TOGARAM1: variants seen among roughly 807,000 people sequenced by gnomAD.
TOGARAM1 encodes the protein TOG array regulator of axonemal microtubules protein 1.
Under a neutral mutation model 166.6 loss-of-function variants are expected in TOGARAM1, and 100 were observed. The observed-to-expected ratio is 0.60, with a 90% confidence interval of 0.51 to 0.71. The LOEUF (loss-of-function observed/expected upper bound fraction) is 0.71. Ranked by LOEUF, TOGARAM1 falls within the 30% of genes least tolerant of loss-of-function variation. The pLI, the probability that TOGARAM1 is intolerant of heterozygous loss-of-function variation, is 0.00. For synonymous variants in TOGARAM1, 758 were observed against 763.8 expected, an observed-to-expected ratio of 0.99 and a Z score of 0.13; for missense variants, 2,029 against 2,102.7, an observed-to-expected ratio of 0.96 and a Z score of 0.69.
intron 7 of TOGARAM1, among the ~76,000 whole-genome samples, chr14:45,023,223 G>A (rs1880628694): frequency 6.6e-6 from 1 of 152,154 alleles, no homozygotes. Flanking sequence ...AGGTCCCCTC[G>A]AGCGGCATAG....
At chr14:45,015,989 TAGG>T (rs763406319) in intron 7 of TOGARAM1, among the ~76,000 whole-genome samples, 3 of 152,090 alleles carry the variant, frequency 2.0e-5, no homozygotes, top group Non-Finnish European at 2.9e-5. Context: ...TTCATGGGAA[TAGG>T]AGAAAAGAGA....
chr14:45,004,008 A>T, intron 3 of TOGARAM1, 53 bp from the exon 4 acceptor site: 1 of 1,428,222 alleles, frequency 7.0e-7, no homozygotes, highest in Non-Finnish European at 9.3e-7. Flanking sequence ...AAAAGCTTTT[A>T]ACTGTTAAAC....
chr14:45,006,224 T>G lies in TOGARAM1; in HGVS notation c.2861T>G (p.Leu954Arg). Reference sequence around the variant, plus strand: ...GAAAAAGATAGTCTTCCAATTGATCTTTCAGAATTAAATTTCAAGGATAAA... The same window carrying G: ...GAAAAAGATAGTCTTCCAATTGATCGTTCAGAATTAAATTTCAAGGATAAA... ...KCEKDSLPID[L>R]SELNFKDKDL... Residue 954 changes from leucine to arginine, a missense_variant, in exon 5 of 20, where the codon CTT becomes CGT. Physicochemically the swap from Leu to Arg is moderately radical, Grantham distance 102 (BLOSUM62 -2). Coordinates refer to ENST00000361462, the MANE Select transcript of TOGARAM1 (RefSeq NM_001308120.2). The G allele has an allele frequency of 6.2e-7, 1 of 1,613,058 alleles. No homozygotes were observed. The highest frequency in any genetic ancestry group is 8.5e-7 in the Non-Finnish European group (1 of 1,179,266).
In TOGARAM1 at chr14:44,986,332, C is replaced by T. The variant is rs148840848; in HGVS notation, c.2047-9414C>T. On this transcript the variant is annotated intron_variant, in intron 1 of 19. Coordinates refer to ENST00000361462, the MANE Select transcript of TOGARAM1 (RefSeq NM_001308120.2). The stretch of plus-strand genomic sequence containing the variant: ...AGAGACAGAGCCTTGCTCTGTTGCT[C>T]ATGCTGGAGTGTAGTGGCATAATCA... Among the ~76,000 whole-genome samples, 283 of 152,224 alleles carry T rather than the reference C, an allele frequency of 1.9e-3. 2 individuals carry two copies. The highest frequency in any genetic ancestry group is 6.4e-3 in the African/African-American group (266 of 41,526).
rs1480397723 is a variant in TOGARAM1, at chr14:45,039,351, G to GGAACT, written c.3813-4334_3813-4330dup. 2.6e-5 allele frequency among the ~76,000 whole-genome samples: 4 copies of GGAACT among 152,278 alleles called. No homozygotes were observed. In the East Asian group the frequency reaches 7.8e-4, roughly 30 times the overall value. ...ACCATAAGTTCTCACTCCAGTCTGT[G>GGAACT]GAACTAGCAGCCCACTCCCACAAGC... On this transcript the variant is annotated intron_variant, in intron 11 of 19. Transcript: ENST00000361462.
chr14:45,045,758 C>CAT (rs1056857865), intron 13 of TOGARAM1, among the ~76,000 whole-genome samples: 17 of 141,212 alleles, frequency 1.2e-4, no homozygotes, highest in African/African-American at 2.6e-4. Flanking sequence ...TATATATACA[C>CAT]ATATATATAT....
At chr14:45,034,176 C>T (rs985049685) in intron 11 of TOGARAM1, among the ~76,000 whole-genome samples, 3 of 151,932 alleles carry the variant, frequency 2.0e-5, no homozygotes, top group African/African-American at 7.2e-5. Flanking sequence ...GAAACAACAA[C>T]AAAAAAACAA....
intron 16 of TOGARAM1, among the ~76,000 whole-genome samples, chr14:45,057,498 C>A (rs1882697754): frequency 6.6e-6 from 1 of 152,014 alleles, no homozygotes; most frequent in African/African-American, 2.4e-5. Context: ...ATCATCATAG[C>A]CCATTGCAGC....
chr14:44,966,258 G>T (rs1219367432), intron 1 of TOGARAM1, among the ~76,000 whole-genome samples: 1 of 151,622 alleles, frequency 6.6e-6, no homozygotes, highest in East Asian at 2.0e-4. Context: ...GATAACCTGA[G>T]GTCAGGAGTT....
At chr14:45,008,618 T>C (rs1201085593) in intron 5 of TOGARAM1, among the ~76,000 whole-genome samples, 1 of 152,180 alleles carries the variant, frequency 6.6e-6, no homozygotes, top group Non-Finnish European at 1.5e-5. Context: ...ATTAAATAAT[T>C]GAATTAATGC....
intron 1 of TOGARAM1, among the ~76,000 whole-genome samples, chr14:44,986,608 A>C (rs1005922303): frequency 6.6e-6 from 1 of 151,906 alleles, no homozygotes; most frequent in Non-Finnish European, 1.5e-5. Flanking sequence ...AACTTTTTCT[A>C]AACAATTATA....
At chr14:45,019,968 T>A (rs1880400029) in intron 7 of TOGARAM1, among the ~76,000 whole-genome samples, 1 of 152,172 alleles carries the variant, frequency 6.6e-6, no homozygotes, top group Non-Finnish European at 1.5e-5. Flanking sequence ...GAGCATGGGC[T>A]AGCAGGCTGG....
intron 7 of TOGARAM1, among the ~76,000 whole-genome samples, chr14:45,014,021 G>A (rs1402735662): frequency 6.7e-6 from 1 of 149,908 alleles, no homozygotes. Flanking sequence ...GCAATATTTA[G>A]TGTTTTCCAA....
intron 16 of TOGARAM1, among the ~76,000 whole-genome samples, chr14:45,061,144 C>T (rs150043537): frequency 1.2e-4 from 19 of 152,152 alleles, no homozygotes; most frequent in African/African-American, 4.3e-4. Context: ...TTTATTTATG[C>T]AAATATTCAT....
rs1594592705 is a variant in TOGARAM1 at position 44,962,271 on chromosome 14, C to G, written c.-151C>G. 14 of 971,140 alleles carry G rather than the reference C, an allele frequency of 1.4e-5. No individual in the cohort carries two copies. The highest frequency in any genetic ancestry group is 2.0e-5 in the Non-Finnish European group (14 of 699,404). The allele number at this position is 971,140 out of a possible 1,614,324, so 60.2% of individuals were successfully genotyped here. ...GGCCATTTTGCCAGAGGCTGCCTCC[C>G]GGAGTTGGGGGCGGCCTGGCGGCAG... On this transcript the variant is annotated 5_prime_UTR_variant, in exon 1 of 20. Coordinates refer to ENST00000361462, the MANE Select transcript of TOGARAM1 (RefSeq NM_001308120.2).
chr14:45,066,893 G>A, intron 17 of TOGARAM1, 126 bp downstream of exon 17: 10 of 594,520 alleles, frequency 1.7e-5, no homozygotes, highest in South Asian at 1.0e-4. Flanking sequence ...GCCCAACCTG[G>A]GCAACATAGC....
intron 7 of TOGARAM1, among the ~76,000 whole-genome samples, chr14:45,019,484 T>C (rs1284172469): frequency 1.3e-5 from 2 of 152,202 alleles, no homozygotes; most frequent in Non-Finnish European, 2.9e-5. Flanking sequence ...TTTCTTTTTT[T>C]TGCAGTTGCA....
At chr14:45,005,193 C>A (rs953038375) in intron 4 of TOGARAM1, among the ~76,000 whole-genome samples, 8 of 152,190 alleles carry the variant, frequency 5.3e-5, no homozygotes, top group African/African-American at 1.7e-4. Flanking sequence ...GGATTACAGG[C>A]GTGAGCTACT....
chr14:45,045,535 C>CTG (rs369196409), intron 13 of TOGARAM1, among the ~76,000 whole-genome samples: 393 of 29,104 alleles, frequency 0.014, 7 homozygotes, highest in Middle Eastern at 0.025. Flanking sequence ...ATTCCATGGT[C>CTG]TGTGTGTGTA....
Sources: gnomAD v4.1 joint callset for allele counts (sites outside exome capture counted in the v4.1 genomes callset) on GRCh38, gnomAD v4.1.1 for gene constraint, MANE v1.5 for transcripts, NCBI Gene and HGNC (gene_info 2026-07-23, HGNC 2026-07-21) for gene names.